Variants in PIEZO2 observed in about 807,000 individuals in gnomAD.
PIEZO2 encodes the protein piezo type mechanosensitive ion channel component 2, also known as piezo-type mechanosensitive ion channel component 2.
PIEZO2 carries 172 observed loss-of-function variants against 337.3 expected under a neutral mutation model. The ratio of observed to expected loss-of-function variants is 0.51; its 90% CI spans 0.45 to 0.58. The LOEUF is 0.58. PIEZO2 is among the 20% of genes least tolerant of loss of function. The pLI, the probability that PIEZO2 is intolerant of heterozygous loss-of-function variation, is 0.00. For missense variants in PIEZO2, 3,028 were observed against 3,391.3 expected (o/e 0.89, Z 2.66); for synonymous variants, 1,251 against 1,228.5 (o/e 1.02, Z -0.38).
chr18:10,899,645 A>G lies in PIEZO2; in HGVS notation c.329+11541T>C, dbSNP rs2042993757. Among the ~76,000 whole-genome samples, 1 of 152,138 alleles carries G rather than the reference A, an allele frequency of 6.6e-6. No homozygotes were observed. The highest frequency in any genetic ancestry group is 6.5e-5 in the Admixed American group (1 of 15,276). ...TTAGCACAATTCCCCTAAACATTCC[A>G]TTTTATACACTCAACACCCAACTGT... is the stretch of plus-strand genomic sequence containing the variant. On this transcript the variant is annotated intron_variant, in intron 4 of 55. Transcript: ENST00000674853. This position sits in a 1 kb window ranked among gnomAD's most constrained non-coding sequence, Gnocchi z 4.6.
At chr18:10,683,210 AAAT>A (rs1567943838) in intron 49 of PIEZO2, among the ~76,000 whole-genome samples, 1 of 152,264 alleles carries the variant, frequency 6.6e-6, no homozygotes, top group Non-Finnish European at 1.5e-5. Context: ...AAGTAAGGAA[AAAT>A]AATCTAACAT....
Position 11,129,939 on chromosome 18 carries a change from A to C in PIEZO2, c.64+18586T>G, listed in dbSNP as rs1466645436. Among the ~76,000 whole-genome samples, 1 of 152,178 alleles carries C rather than the reference A, an allele frequency of 6.6e-6. No homozygotes were observed. The highest frequency in any genetic ancestry group is 6.5e-5 in the Admixed American group (1 of 15,270). On this transcript the variant is annotated intron_variant, in intron 1 of 55. Coordinates refer to ENST00000674853, the MANE Select transcript of PIEZO2 (RefSeq NM_001378183.1). The surrounding 1 kb of genome is among the most constrained non-coding windows in gnomAD (Gnocchi z 4.6). ...CCTGTGGTCATTTCCCCAATGCCAGAATGCATAATTGACATAGACATACTC... is the reference window on the plus strand; with the variant it reads ...CCTGTGGTCATTTCCCCAATGCCAGCATGCATAATTGACATAGACATACTC...
intron 5 of PIEZO2, among the ~76,000 whole-genome samples, chr18:10,857,910 G>A (rs115656924): frequency 0.018 from 2,726 of 151,804 alleles, 88 homozygotes; most frequent in African/African-American, 0.063. Context: ...TTGCTTGTTC[G>A]TTTTGCGTTT....
chr18:11,078,847 C>T lies in PIEZO2; in HGVS notation c.65-12625G>A, dbSNP rs1353234399. On this transcript the variant is annotated intron_variant, in intron 1 of 55. Transcript: ENST00000674853. This position sits in a 1 kb window ranked among gnomAD's most constrained non-coding sequence, Gnocchi z 5.3. ...CTTACATTTCATCGAATCACAGAGT[C>T]TGTGTTACTGAGAATGGAGAGGGGT... Among the ~76,000 whole-genome samples the T allele has an allele frequency of 6.6e-6, 1 of 152,192 alleles. No individual in the cohort carries two copies. The highest frequency in any genetic ancestry group is 1.5e-5 in the Non-Finnish European group (1 of 68,042).
intron 2 of PIEZO2, among the ~76,000 whole-genome samples, chr18:11,056,652 C>A (rs1490681922): frequency 1.3e-5 from 2 of 152,102 alleles, no homozygotes; most frequent in East Asian, 3.9e-4. Context: ...AGGAAGGCTG[C>A]AGGGAGCCAG....
rs187594750 is a variant in PIEZO2 at position 11,070,492 on chromosome 18, G to C, written c.65-4270C>G. Among the ~76,000 whole-genome samples the C allele has an allele frequency of 2.0e-5, 3 of 152,258 alleles. No homozygotes were observed. In the East Asian group the frequency reaches 5.8e-4, roughly 29 times the overall value. On this transcript the variant is annotated intron_variant, in intron 1 of 55. Transcript: ENST00000674853. The surrounding 1 kb of genome is among the most constrained non-coding windows in gnomAD (Gnocchi z 4.3). Reference sequence around the variant, plus strand: ...GCTCTGCCTACATGTGGGATGAGAGGGGGCAAGCAAACTGGCAGGTAGGAA... The same window carrying C: ...GCTCTGCCTACATGTGGGATGAGAGCGGGCAAGCAAACTGGCAGGTAGGAA...
intron 1 of PIEZO2, among the ~76,000 whole-genome samples, chr18:11,113,766 T>TCCTGGCCACCGCAGGCCC (rs1568385007): frequency 5.3e-5 from 8 of 152,296 alleles, no homozygotes; most frequent in African/African-American, 1.7e-4. Flanking sequence ...AACGCAGGCC[T>TCCTGGCCACCGCAGGCCC]TCCTGGCCAC....
At position 11,131,544 on chromosome 18, in the gene PIEZO2, C is replaced by T. The variant is rs886488813; in HGVS notation, c.64+16981G>A. Among the ~76,000 whole-genome samples, 21 of 152,160 alleles carry T rather than the reference C, an allele frequency of 1.4e-4. No individual in the cohort carries two copies. Among genetic ancestry groups the T allele is most frequent in the African/African-American group, 5.1e-4 (21 of 41,448 alleles). Reference sequence around the variant, plus strand: ...TTTCTAGGAAATCCTTGAAGGACAGCGGTGAAGGGAAATCTTCCCAGTGGG... The same window carrying T: ...TTTCTAGGAAATCCTTGAAGGACAGTGGTGAAGGGAAATCTTCCCAGTGGG... On this transcript the variant is annotated intron_variant, in intron 1 of 55. Coordinates refer to ENST00000674853, the MANE Select transcript of PIEZO2 (RefSeq NM_001378183.1). The surrounding 1 kb of genome is among the most constrained non-coding windows in gnomAD (Gnocchi z 5.3).
rs1372171959 is a variant in PIEZO2, at chr18:10,713,220, G to C, written c.5423+1544C>G. Among the ~76,000 whole-genome samples, 1 of 152,018 alleles carries C rather than the reference G, an allele frequency of 6.6e-6. No individual in the cohort carries two copies. Among genetic ancestry groups the C allele is most frequent in the African/African-American group, 2.4e-5 (1 of 41,388 alleles). The stretch of plus-strand genomic sequence containing the variant: ...TTTTACTGTGTATATATATCACAAA[G>C]ATCTTTTCATACCAATAAATATGGA... On this transcript the variant is annotated intron_variant, in intron 39 of 55. Transcript: ENST00000674853. The surrounding 1 kb of genome is among the most constrained non-coding windows in gnomAD (Gnocchi z 4.5).
In PIEZO2 at chr18:11,047,727, A is replaced by G. The variant is rs907188346; in HGVS notation, c.160+18400T>C. On this transcript the variant is annotated intron_variant, in intron 2 of 55. Coordinates refer to ENST00000674853, the MANE Select transcript of PIEZO2 (RefSeq NM_001378183.1). The surrounding 1 kb of genome is among the most constrained non-coding windows in gnomAD (Gnocchi z 7.2). Reference sequence around the variant, plus strand: ...ACACTGGGAGTTAGGGCCTTTCTCCACAACAACTAAGAGTATGGCTTTGAC... The same window carrying G: ...ACACTGGGAGTTAGGGCCTTTCTCCGCAACAACTAAGAGTATGGCTTTGAC... Among the ~76,000 whole-genome samples, 3 of 151,962 alleles carry G rather than the reference A, an allele frequency of 2.0e-5. No homozygotes were observed. The highest frequency in any genetic ancestry group is 1.9e-4 in the East Asian group (1 of 5,192).
intron 1 of PIEZO2, among the ~76,000 whole-genome samples, chr18:11,067,628 C>G (rs953840576): frequency 6.6e-6 from 1 of 152,162 alleles, no homozygotes; most frequent in African/African-American, 2.4e-5. Context: ...AAGTTAAGAA[C>G]TGTAAAATGA....
At chr18:11,045,963 G>A (rs897742373) in intron 2 of PIEZO2, among the ~76,000 whole-genome samples, 7 of 152,126 alleles carry the variant, frequency 4.6e-5, no homozygotes, top group Non-Finnish European at 5.9e-5. Flanking sequence ...ATAGGTTGTC[G>A]CATGAATAAA....
In PIEZO2 at chr18:10,740,601, G is replaced by C. The variant is rs1017752381; in HGVS notation, c.4708+430C>G. ...AGTGCCTTACAGAGAAAGGGTCACT[G>C]ACCCTTTGAATAGAATGATCATCCT... On this transcript the variant is annotated intron_variant, in intron 33 of 55. Transcript: ENST00000674853. 6.3e-5 allele frequency: 13 copies of C among 207,386 alleles called. No individual in the cohort carries two copies. In the East Asian group the frequency reaches 1.6e-3, roughly 26 times the overall value. The allele number at this position is 207,386 out of a possible 1,614,324, so 12.8% of individuals were successfully genotyped here.
intron 18 of PIEZO2, among the ~76,000 whole-genome samples, chr18:10,780,033 G>A (rs2038924440): frequency 6.6e-6 from 1 of 152,176 alleles, no homozygotes; most frequent in Non-Finnish European, 1.5e-5. Flanking sequence ...GGAGTTCTCA[G>A]GCAAGCCTTG....
chr18:10,736,854 G>C (rs2037017914), intron 33 of PIEZO2, 144 bp from the exon 34 acceptor site: 1 of 906,394 alleles, frequency 1.1e-6, no homozygotes, highest in Admixed American at 2.8e-5. Flanking sequence ...AAACACACAA[G>C]ATGAAGAGAA....
chr18:10,826,959 T>C, intron 7 of PIEZO2, among the ~76,000 whole-genome samples: 1 of 152,206 alleles, frequency 6.6e-6, no homozygotes, highest in East Asian at 1.9e-4. Flanking sequence ...TATTCAGATG[T>C]AGCCTTCAAA....
chr18:10,891,655 A>G (rs1417607205), intron 4 of PIEZO2, among the ~76,000 whole-genome samples: 1 of 152,166 alleles, frequency 6.6e-6, no homozygotes, highest in Non-Finnish European at 1.5e-5. Context: ...CTAGGCTAAA[A>G]TGTTTTCAGA....
At chr18:10,714,955 AG>A (rs1293369458) in intron 38 of PIEZO2, 25 bp from the exon 39 acceptor site, 1 of 1,534,788 alleles carries the variant, frequency 6.5e-7, no homozygotes, top group Non-Finnish European at 8.7e-7. Context: ...ACATTGCCAC[AG>A]TTCTTATGGA....
rs1353518561 is a variant in PIEZO2, at chr18:10,713,364, T to TA, written c.5423+1399dup. ...GGGCAAAACTTTTTGGTTTTTTTTTTACCCACATTCCTCACTCAGTTTGTA... is the reference window on the plus strand; with the variant it reads ...GGGCAAAACTTTTTGGTTTTTTTTTTAACCCACATTCCTCACTCAGTTTGTA... On this transcript the variant is annotated intron_variant, in intron 39 of 55. Transcript: ENST00000674853. This position sits in a 1 kb window ranked among gnomAD's most constrained non-coding sequence, Gnocchi z 4.5. Among the ~76,000 whole-genome samples the TA allele has an allele frequency of 2.0e-5, 3 of 152,162 alleles. No homozygotes were observed. The highest frequency in any genetic ancestry group is 3.8e-4 in the East Asian group (2 of 5,196).
Sources: allele counts gnomAD v4.1 joint callset (sites outside exome capture counted in the v4.1 genomes callset), GRCh38; gene constraint gnomAD v4.1.1; non-coding constraint Gnocchi (gnomAD v3.1); transcripts MANE v1.5; gene names NCBI Gene and HGNC (gene_info 2026-07-23, HGNC 2026-07-21).